Variants in FAM167A observed in about 807,000 individuals in gnomAD.
FAM167A encodes the protein protein FAM167A.
FAM167A carries 23 observed loss-of-function variants against 14.9 expected under a neutral mutation model. The ratio of observed to expected loss-of-function variants is 1.55; its 90% CI spans 1.11 to 2.19. The LOEUF is 2.19. Ranked by LOEUF, FAM167A falls within the 30% of genes most tolerant of loss-of-function variation. FAM167A has a pLI of 0.00. For synonymous variants in FAM167A, 174 were observed against 117.7 expected (o/e 1.48, Z -3.10); for missense variants, 401 against 281.5 (o/e 1.42, Z -3.04).
In FAM167A at chr8:11,444,091, A is replaced by G; in HGVS notation, c.321T>C (p.Thr107=). 6.2e-7 allele frequency: 1 copy of G among 1,613,544 alleles called. No homozygotes were observed. The highest frequency in any genetic ancestry group is 8.5e-7 in the Non-Finnish European group (1 of 1,180,004). Residue 107 remains threonine (T), a synonymous_variant, in exon 2 of 3, where the codon ACT becomes ACC. Transcript: ENST00000284486. Reference sequence around the variant, plus strand: ...TGCTCTGAAAGCCTTCCAGCTTGCCAGTGGACAGGGGTCTGGCACCTTGGC... The same window carrying G: ...TGCTCTGAAAGCCTTCCAGCTTGCCGGTGGACAGGGGTCTGGCACCTTGGC... ...SASQGARPLS[T]GKLEGFQSID...
rs137992646 is a variant in FAM167A, at chr8:11,440,089, G to C, written c.381+3942C>G. Reference sequence around the variant, plus strand: ...GCCTGGAAGGTGAAACCTGGGGGCTGTGACCTTCTGGGGACCTGAGCAGCC... The same window carrying C: ...GCCTGGAAGGTGAAACCTGGGGGCTCTGACCTTCTGGGGACCTGAGCAGCC... On this transcript the variant is annotated intron_variant, in intron 2 of 2. Coordinates refer to ENST00000284486, the MANE Select transcript of FAM167A (RefSeq NM_053279.3). 8.4e-3 allele frequency among the ~76,000 whole-genome samples: 1,278 copies of C among 152,284 alleles called. 23 individuals are homozygous for C. Among genetic ancestry groups the C allele is most frequent in the African/African-American group, 0.029 (1,211 of 41,540 alleles).
At chr8:11,450,004 C>T (rs567942135) in intron 1 of FAM167A, among the ~76,000 whole-genome samples, 12 of 152,344 alleles carry the variant, frequency 7.9e-5, no homozygotes, top group African/African-American at 1.7e-4. Flanking sequence ...TCTCACCACG[C>T]GCTCCTGCTG....
At chr8:11,440,263 A>T (rs905944709) in intron 2 of FAM167A, among the ~76,000 whole-genome samples, 2 of 152,204 alleles carry the variant, frequency 1.3e-5, no homozygotes, top group Non-Finnish European at 2.9e-5. Flanking sequence ...GGGGAGCCCA[A>T]GGTCAGGCCG....
chr8:11,424,650 G>A lies in FAM167A; in HGVS notation c.382-14C>T, dbSNP rs1008791752. The A allele has an allele frequency of 6.2e-7, 1 of 1,612,298 alleles. No homozygotes were observed. The highest frequency in any genetic ancestry group is 1.1e-5 in the South Asian group (1 of 91,028). ...CCGCATCTCCGTCTGGAAGGGAGGG[G>A]GAGCAGGCAGGGTCAGCAGAGAGTG... is the stretch of plus-strand genomic sequence containing the variant. On this transcript the variant is annotated splice_polypyrimidine_tract_variant and intron_variant, in intron 2 of 2. Coordinates refer to ENST00000284486, the MANE Select transcript of FAM167A (RefSeq NM_053279.3).
At chr8:11,451,072 C>T (rs1171049089) in intron 1 of FAM167A, among the ~76,000 whole-genome samples, 1 of 152,262 alleles carries the variant, frequency 6.6e-6, no homozygotes, top group East Asian at 1.9e-4. Context: ...CTGGAAAGTG[C>T]ATCCCCCTTT....
In FAM167A at chr8:11,423,854, C is replaced by G. The variant is rs1235596613; in HGVS notation, c.*519G>C. On this transcript the variant is annotated 3_prime_UTR_variant, in exon 3 of 3. Coordinates refer to ENST00000284486, the MANE Select transcript of FAM167A (RefSeq NM_053279.3). ...TGTCATGCCTTTCGATTTTCCCTTC[C>G]TAGTAGCTCCCTGTCAATGTTGCTG... 5 of 158,092 alleles carry G rather than the reference C, an allele frequency of 3.2e-5. No individual in the cohort carries two copies. Among genetic ancestry groups the G allele is most frequent in the African/African-American group, 1.2e-4 (5 of 41,634 alleles). 9.8% of individuals were successfully genotyped at this position (158,092 alleles called of 1,614,324 possible).
intron 1 of FAM167A, among the ~76,000 whole-genome samples, chr8:11,461,093 T>C (rs1807519465): frequency 6.6e-6 from 1 of 152,206 alleles, no homozygotes; most frequent in Admixed American, 6.5e-5. Context: ...AAAGAGGCCC[T>C]GGCTCCTGGG....
chr8:11,459,041 A>G (rs868436826), intron 1 of FAM167A, among the ~76,000 whole-genome samples: 1 of 152,274 alleles, frequency 6.6e-6, no homozygotes, highest in Non-Finnish European at 1.5e-5. Context: ...ACTTTCTGAT[A>G]ATAAAATAAA....
At chr8:11,429,161 TTC>T (rs1182177109) in intron 2 of FAM167A, among the ~76,000 whole-genome samples, 2 of 152,158 alleles carry the variant, frequency 1.3e-5, no homozygotes, top group Admixed American at 1.3e-4. Flanking sequence ...CCCTTCTACT[TTC>T]TGTCTGTATG....
At chr8:11,445,475 G>C in intron 1 of FAM167A, 1 of 985,832 alleles carries the variant, frequency 1.0e-6, no homozygotes, top group Non-Finnish European at 1.2e-6. Context: ...GGAAGAAGGC[G>C]GTGGCACCTG....
chr8:11,446,932 C>CA (rs2117100022), intron 1 of FAM167A, among the ~76,000 whole-genome samples: 1 of 152,312 alleles, frequency 6.6e-6, no homozygotes, highest in East Asian at 1.9e-4. Flanking sequence ...TTAGATCCAT[C>CA]AAAGCTTCCT....
chr8:11,442,943 G>A (rs760984868), intron 2 of FAM167A, among the ~76,000 whole-genome samples: 6 of 152,196 alleles, frequency 3.9e-5, no homozygotes, highest in Non-Finnish European at 8.8e-5. Context: ...GATTCTCTCA[G>A]CCCCTGAGGC....
At chr8:11,448,297 T>A (rs1806873750) in intron 1 of FAM167A, among the ~76,000 whole-genome samples, 2 of 152,072 alleles carry the variant, frequency 1.3e-5, no homozygotes. Context: ...TGAGGCTAGT[T>A]CTGGGGATAA....
At chr8:11,470,814 G>A (rs996865040), upstream of FAM167A, among the ~76,000 whole-genome samples, 1 of 152,062 alleles carries the variant, frequency 6.6e-6, no homozygotes, top group African/African-American at 2.4e-5. Context: ...CCTGTGAAGG[G>A]ACTTGTCCAT....
intron 2 of FAM167A, among the ~76,000 whole-genome samples, chr8:11,441,428 C>G (rs1563372752): frequency 1.3e-5 from 2 of 152,258 alleles, no homozygotes; most frequent in Admixed American, 6.5e-5. Context: ...GGACCAGAAT[C>G]TTCATCTGCA....
At chr8:11,461,510 T>G (rs1807537169) in intron 1 of FAM167A, among the ~76,000 whole-genome samples, 1 of 152,214 alleles carries the variant, frequency 6.6e-6, no homozygotes, top group African/African-American at 2.4e-5. Context: ...TCTGCAGAGA[T>G]GAAAGCAGAA....
upstream of FAM167A, among the ~76,000 whole-genome samples, chr8:11,467,890 T>C (rs990132570): frequency 2.0e-5 from 3 of 152,244 alleles, no homozygotes; most frequent in Non-Finnish European, 4.4e-5. Context: ...CTAGTCATGC[T>C]AATGAGGGAA....
At chr8:11,441,662 G>A (rs959643331) in intron 2 of FAM167A, among the ~76,000 whole-genome samples, 1 of 152,136 alleles carries the variant, frequency 6.6e-6, no homozygotes, top group Non-Finnish European at 1.5e-5. Flanking sequence ...CCGGCTCTGT[G>A]GCTCACTCAT....
rs559962638 is a variant in FAM167A at position 11,432,548 on chromosome 8, C to T, written c.382-7912G>A. On this transcript the variant is annotated intron_variant, in intron 2 of 2. Coordinates refer to ENST00000284486, the MANE Select transcript of FAM167A (RefSeq NM_053279.3). ...ATCTCACACCAGTTAGGATGGTGAT[C>T]ATTAAAAAGTCAGGAAATAACATGC... 7.2e-5 allele frequency among the ~76,000 whole-genome samples: 11 copies of T among 152,252 alleles called. No individual in the cohort carries two copies. The East Asian group carries it at 2.1e-3, about 29-fold the overall frequency.
Sources: gnomAD v4.1 joint callset for allele counts (sites outside exome capture counted in the v4.1 genomes callset) on GRCh38, gnomAD v4.1.1 for gene constraint, MANE v1.5 for transcripts, NCBI Gene and HGNC (gene_info 2026-07-23, HGNC 2026-07-21) for gene names.